The following PMFBP1 variants were observed in gnomAD, a reference collection of about 807,000 sequenced individuals.
The protein encoded by PMFBP1 is polyamine modulated factor 1 binding protein 1.
PMFBP1 carries 131 observed loss-of-function variants against 137.8 expected under a neutral mutation model. That is an observed-to-expected ratio of 0.95 (90% CI 0.82 to 1.10). The LOEUF is 1.10. Among genes scored for constraint, PMFBP1 ranks in the 50% least tolerant of loss-of-function variants. The pLI, the probability that PMFBP1 is intolerant of heterozygous loss-of-function variation, is 0.00. For missense variants in PMFBP1, 1,199 were observed against 1,175.4 expected (o/e 1.02, Z -0.29); for synonymous variants, 490 against 450.4 (o/e 1.09, Z -1.11).
upstream of PMFBP1, among the ~76,000 whole-genome samples, chr16:72,181,416 T>A (rs1052285526): frequency 2.6e-5 from 4 of 152,190 alleles, no homozygotes; most frequent in Non-Finnish European, 5.9e-5. Flanking sequence ...TTCTTAGCTA[T>A]CTATGGCTTT....
chr16:72,128,727 G>C lies in PMFBP1; in HGVS notation c.2018C>G (p.Ser673Cys). 6.2e-7 allele frequency: 1 copy of C among 1,614,112 alleles called. No homozygotes were observed. Among genetic ancestry groups the C allele is most frequent in the Non-Finnish European group, 8.5e-7 (1 of 1,180,002 alleles). The change falls in exon 14 of 21, where the codon TCT becomes TGT. Residue 673 changes from serine (S) to cysteine (C), a missense_variant. By Grantham distance (112) the Ser-to-Cys change is moderately radical (BLOSUM62 -1). Coordinates refer to ENST00000237353, the MANE Select transcript of PMFBP1 (RefSeq NM_031293.3). ...GTTGAGAGAGGATTCCAGTTGTGTA[G>C]AACAACACTGTAGCTCTGCTCGGAG... Reference protein sequence around the residue: ...ENLRAELQCCSTQLESSLNKY... With the variant: ...ENLRAELQCCCTQLESSLNKY...
At chr16:72,125,699 T>A (rs1447388824) in intron 15 of PMFBP1, among the ~76,000 whole-genome samples, 1 of 152,154 alleles carries the variant, frequency 6.6e-6, no homozygotes, top group East Asian at 1.9e-4. Context: ...ATCCAGACTT[T>A]GGGAAAACCT....
At chr16:72,182,994 C>G in the PMFBP1 span, among the ~76,000 whole-genome samples, 5 of 152,134 alleles carry the variant, frequency 3.3e-5, no homozygotes, top group African/African-American at 4.8e-5. Flanking sequence ...TCCTCAGATT[C>G]TGCCCTGCCA....
chr16:72,193,855 C>T, the PMFBP1 span, among the ~76,000 whole-genome samples: 8 of 152,230 alleles, frequency 5.3e-5, no homozygotes, highest in South Asian at 2.1e-4. Flanking sequence ...CACATACCAC[C>T]GCTAGCTAAC....
Position 72,129,057 on chromosome 16 carries a change from C to T in PMFBP1, c.1950+9G>A. 1.2e-6 allele frequency: 2 copies of T among 1,612,854 alleles called. No homozygotes were observed. Among genetic ancestry groups the T allele is most frequent in the Non-Finnish European group, 1.7e-6 (2 of 1,179,488 alleles). ...CCTGACCCAGCTCTCCTGGGATTCT[C>T]CCACTCACCGTCTTGTCTTTCTTTT... On this transcript the variant is annotated intron_variant, in intron 13 of 20. Transcript: ENST00000237353.
At chr16:72,146,614 T>G (rs2042811229) in intron 5 of PMFBP1, among the ~76,000 whole-genome samples, 1 of 152,206 alleles carries the variant, frequency 6.6e-6, no homozygotes. Flanking sequence ...TGATGGTATA[T>G]TTAGAAAACC....
the PMFBP1 span, among the ~76,000 whole-genome samples, chr16:72,198,687 G>A: frequency 3.3e-5 from 5 of 152,202 alleles, no homozygotes; most frequent in South Asian, 2.1e-4. Context: ...ATTCCCACCA[G>A]CTTTGGGCTA....
At position 72,143,838 on chromosome 16, in the gene PMFBP1, C is replaced by T. The variant is rs910929454; in HGVS notation, c.637-3256G>A. 5.9e-5 allele frequency among the ~76,000 whole-genome samples: 9 copies of T among 152,054 alleles called. No individual in the cohort carries two copies. The South Asian group carries it at 1.0e-3, about 18-fold the overall frequency. ...GGCAGATCACCTGAGGTCAGGAGTT[C>T]GAGGCCAGCCTGACCAACATGGAGA... On this transcript the variant is annotated intron_variant, in intron 5 of 20. Coordinates refer to ENST00000237353, the MANE Select transcript of PMFBP1 (RefSeq NM_031293.3).
At chr16:72,118,582 C>T (rs2042331079), downstream of PMFBP1, among the ~76,000 whole-genome samples, 1 of 152,126 alleles carries the variant, frequency 6.6e-6, no homozygotes, top group Admixed American at 6.5e-5. Flanking sequence ...GAGTTGTCTC[C>T]ACTTCCTATA....
the PMFBP1 span, among the ~76,000 whole-genome samples, chr16:72,189,598 G>C: frequency 1.3e-5 from 2 of 152,214 alleles, no homozygotes; most frequent in African/African-American, 2.4e-5. Flanking sequence ...CACAGTGTCA[G>C]CTGCTACAGA....
chr16:72,241,920 T>C, the PMFBP1 span, among the ~76,000 whole-genome samples: 14 of 152,202 alleles, frequency 9.2e-5, no homozygotes, highest in Non-Finnish European at 2.1e-4. Context: ...ATCATAGAAG[T>C]TATTTTTAAT....
chr16:72,215,267 G>T, the PMFBP1 span, among the ~76,000 whole-genome samples: 19 of 151,956 alleles, frequency 1.3e-4, no homozygotes, highest in African/African-American at 4.3e-4. Context: ...AGCATACAGA[G>T]TCCCAAACAT....
upstream of PMFBP1, among the ~76,000 whole-genome samples, chr16:72,180,321 G>A (rs1278612094): frequency 6.6e-5 from 10 of 152,314 alleles, no homozygotes; most frequent in Admixed American, 3.3e-4. Context: ...GTAGATTGTA[G>A]TGAGCCCAGA....
At chr16:72,132,696 T>G (rs758733059) in intron 10 of PMFBP1, 52 bp downstream of exon 10, 1 of 1,610,312 alleles carries the variant, frequency 6.2e-7, no homozygotes, top group Non-Finnish European at 8.5e-7. Context: ...GCTCTAGGGC[T>G]GCTCTAGCCC....
intron 9 of PMFBP1, among the ~76,000 whole-genome samples, chr16:72,133,661 C>T (rs986379500): frequency 3.3e-5 from 5 of 152,120 alleles, no homozygotes; most frequent in African/African-American, 7.2e-5. Context: ...GGAGAGGGCT[C>T]CCCTGCCACA....
At chr16:72,191,241 C>T in the PMFBP1 span, among the ~76,000 whole-genome samples, 4 of 152,182 alleles carry the variant, frequency 2.6e-5, no homozygotes, top group Non-Finnish European at 4.4e-5. Flanking sequence ...GTTTCGGAAG[C>T]GCAGGGTATA....
At chr16:72,132,663 C>A in intron 10 of PMFBP1, 85 bp downstream of exon 10, 1 of 1,579,714 alleles carries the variant, frequency 6.3e-7, no homozygotes, top group South Asian at 1.2e-5. Context: ...GGGGAAGTGG[C>A]CACTGGGAGA....
At chr16:72,164,512 G>A (rs2043114343) in intron 3 of PMFBP1, 1 of 1,424,020 alleles carries the variant, frequency 7.0e-7, no homozygotes, top group Admixed American at 2.0e-5. Context: ...TGAAAGGCCA[G>A]ATAAGGAAAA....
chr16:72,228,554 G>A, the PMFBP1 span, among the ~76,000 whole-genome samples: 1 of 152,138 alleles, frequency 6.6e-6, no homozygotes, highest in Non-Finnish European at 1.5e-5. Context: ...GAGCTGAACT[G>A]TGAGCTCTTA....
Sources: gnomAD v4.1 joint callset for allele counts (sites outside exome capture counted in the v4.1 genomes callset) on GRCh38, gnomAD v4.1.1 for gene constraint, MANE v1.5 for transcripts, NCBI Gene and HGNC (gene_info 2026-07-23, HGNC 2026-07-21) for gene names.